Variants in CTNNA2 observed in about 807,000 individuals in gnomAD.
CTNNA2 encodes the protein catenin alpha-2.
CTNNA2 carries 42 observed loss-of-function variants against 101.0 expected under a neutral mutation model. The observed-to-expected ratio is 0.42, with a 90% confidence interval of 0.32 to 0.54. The LOEUF (loss-of-function observed/expected upper bound fraction) is 0.54. CTNNA2 is among the 20% of genes least tolerant of loss of function. The probability of loss-of-function intolerance (pLI) is 0.14; values close to 1 mark genes in which losing one functional copy is unlikely to be tolerated. For missense variants in CTNNA2, 871 were observed against 1,223.1 expected (o/e 0.71, Z 4.29); for synonymous variants, 450 against 456.4 (o/e 0.99, Z 0.18).
intron 4 of CTNNA2, among the ~76,000 whole-genome samples, chr2:79,468,973 G>A (rs436008): frequency 0.39 from 58,817 of 151,606 alleles, 11,728 homozygotes; most frequent in East Asian, 0.5. Context: ...GAAAGAACTA[G>A]AGAAGCAAGA....
rs1196881798 is a variant in CTNNA2, at chr2:80,316,108, A to C, written c.1057-77103A>C. Among the ~76,000 whole-genome samples, 6 of 152,300 alleles carry C rather than the reference A, an allele frequency of 3.9e-5. No individual in the cohort carries two copies. In the East Asian group the frequency reaches 1.2e-3, roughly 29 times the overall value. On this transcript the variant is annotated intron_variant, in intron 7 of 18. Coordinates refer to ENST00000402739, the MANE Select transcript of CTNNA2 (RefSeq NM_001282597.3). ...TGAGTGATAGATCTTTGATTTTTAA[A>C]GGTGCCAGAACTGTTTCCTTCTGCA...
At chr2:80,198,161 G>C (rs1706958940) in intron 7 of CTNNA2, among the ~76,000 whole-genome samples, 1 of 152,180 alleles carries the variant, frequency 6.6e-6, no homozygotes, top group African/African-American at 2.4e-5. Flanking sequence ...GGAGGAGCTG[G>C]TAGTGAGCCC....
At chr2:79,875,731 G>C (rs571458256) in intron 6 of CTNNA2, among the ~76,000 whole-genome samples, 1 of 151,508 alleles carries the variant, frequency 6.6e-6, no homozygotes, top group African/African-American at 2.4e-5. Context: ...ATTTCCTAAG[G>C]TTTTTTTTGT....
At chr2:79,871,082 T>C (rs1364469075) in intron 5 of CTNNA2, among the ~76,000 whole-genome samples, 21 of 152,334 alleles carry the variant, frequency 1.4e-4, no homozygotes, top group Non-Finnish European at 4.4e-5. Flanking sequence ...TGTGGAAGGA[T>C]CTCCTAAAAT....
At chr2:80,434,372 A>G (rs1219756886) in intron 9 of CTNNA2, among the ~76,000 whole-genome samples, 2 of 151,974 alleles carry the variant, frequency 1.3e-5, no homozygotes, top group Non-Finnish European at 2.9e-5. Context: ...CTGGTGGTGT[A>G]CTTTTAATTG....
intron 7 of CTNNA2, among the ~76,000 whole-genome samples, chr2:80,329,457 G>A (rs1671127313): frequency 1.3e-5 from 2 of 152,162 alleles, no homozygotes; most frequent in African/African-American, 4.8e-5. Flanking sequence ...AGGTTGTATA[G>A]ATTATTTCAG....
chr2:80,000,134 C>T (rs1194590780), intron 7 of CTNNA2, among the ~76,000 whole-genome samples: 1 of 152,096 alleles, frequency 6.6e-6, no homozygotes, highest in Admixed American at 6.6e-5. Flanking sequence ...AAAAGAAACT[C>T]AAAAACAACT....
intron 9 of CTNNA2, among the ~76,000 whole-genome samples, chr2:80,522,456 T>C (rs1226505122): frequency 6.6e-6 from 1 of 152,198 alleles, no homozygotes; most frequent in African/African-American, 2.4e-5. Flanking sequence ...CTGTGACCGT[T>C]GCATTGAAGG....
chr2:80,547,872 A>G (rs1012031201), intron 11 of CTNNA2, among the ~76,000 whole-genome samples: 4 of 151,906 alleles, frequency 2.6e-5, no homozygotes, highest in African/African-American at 9.7e-5. Flanking sequence ...TATTTGTGGT[A>G]GTAGAGACGG....
intron 2 of CTNNA2, among the ~76,000 whole-genome samples, chr2:79,675,557 A>C (rs1259638188): frequency 6.6e-6 from 1 of 152,222 alleles, no homozygotes; most frequent in Admixed American, 6.5e-5. Flanking sequence ...CACAGAACGC[A>C]GTTTTAACTA....
intron 1 of CTNNA2, among the ~76,000 whole-genome samples, chr2:79,647,845 T>G (rs1173673273): frequency 1.3e-5 from 2 of 152,220 alleles, no homozygotes; most frequent in African/African-American, 4.8e-5. Context: ...AACTTAGCTG[T>G]GCTTGGCTCC....
At chr2:80,274,735 G>A (rs1673761499) in intron 7 of CTNNA2, among the ~76,000 whole-genome samples, 1 of 152,088 alleles carries the variant, frequency 6.6e-6, no homozygotes, top group South Asian at 2.1e-4. Flanking sequence ...TATTGTTCTT[G>A]TTTTTTCCCA....
chr2:80,541,020 A>G (rs1691507316), intron 9 of CTNNA2, among the ~76,000 whole-genome samples: 1 of 152,196 alleles, frequency 6.6e-6, no homozygotes, highest in Non-Finnish European at 1.5e-5. Context: ...GACTGCCTCA[A>G]GCTATGAAGC....
intron 7 of CTNNA2, among the ~76,000 whole-genome samples, chr2:79,951,055 C>T (rs17018295): frequency 0.013 from 1,972 of 152,264 alleles, 53 homozygotes; most frequent in African/African-American, 0.046. Context: ...CTGTTGGCTA[C>T]TTCGTAAAAT....
chr2:80,398,772 C>G (rs1353027675), intron 8 of CTNNA2, among the ~76,000 whole-genome samples: 1 of 150,484 alleles, frequency 6.6e-6, no homozygotes, highest in Non-Finnish European at 1.5e-5. Context: ...GAGGCTGAGG[C>G]AGGAGGATTG....
chr2:80,555,932 CT>C, intron 12 of CTNNA2, 39 bp downstream of exon 12: 1 of 1,297,258 alleles, frequency 7.7e-7, no homozygotes. Flanking sequence ...ATGTTAATGC[CT>C]TGATTAGTTT....
intron 16 of CTNNA2, chr2:80,605,382 A>C (rs1697913435): frequency 6.6e-6 from 1 of 151,988 alleles, no homozygotes; most frequent in Admixed American, 6.6e-5. Context: ...TTGGAAATAA[A>C]ATATTATATA....
Position 80,062,524 on chromosome 2 carries a change from T to C in CTNNA2, c.1056+152727T>C, listed in dbSNP as rs115494010. 4.3e-3 allele frequency among the ~76,000 whole-genome samples: 661 copies of C among 152,276 alleles called. 3 individuals carry two copies. The highest frequency in any genetic ancestry group is 0.015 in the African/African-American group (615 of 41,534). ...ACATTGCAATAATGCTCCTGGGTAA[T>C]ACATTTACATTTTAATAAGAGCATT... On this transcript the variant is annotated intron_variant, in intron 7 of 18. Transcript: ENST00000402739.
chr2:80,384,435 AAG>A (rs1044167839), intron 7 of CTNNA2, among the ~76,000 whole-genome samples: 4 of 152,018 alleles, frequency 2.6e-5, no homozygotes, highest in Non-Finnish European at 5.9e-5. Flanking sequence ...AAAAAAAAAA[AAG>A]ATTCAAAAAC....
Sources: gnomAD v4.1 joint callset for allele counts (sites outside exome capture counted in the v4.1 genomes callset) on GRCh38, gnomAD v4.1.1 for gene constraint, MANE v1.5 for transcripts, NCBI Gene and HGNC (gene_info 2026-07-23, HGNC 2026-07-21) for gene names.